Variants in SUPT3H observed in about 807,000 individuals in gnomAD.
SUPT3H encodes the protein SPT3 homolog, SAGA and STAGA complex component, also known as transcription initiation protein SPT3 homolog.
A neutral mutation model predicts 44.3 loss-of-function variants in SUPT3H; 44 were observed. The observed-to-expected ratio is 0.99, with a 90% CI of 0.78 to 1.28. SUPT3H has a LOEUF of 1.28. Ranked by LOEUF, SUPT3H falls within the 50% of genes most tolerant of loss-of-function variation. The pLI is 0.00. For missense variants in SUPT3H, 380 were observed against 387.1 expected (o/e 0.98, Z 0.15); for synonymous variants, 124 against 125.6 (o/e 0.99, Z 0.09).
At chr6:44,954,159 T>A (rs1774753503) in intron 8 of SUPT3H, among the ~76,000 whole-genome samples, 1 of 152,196 alleles carries the variant, frequency 6.6e-6, no homozygotes, top group Admixed American at 6.5e-5. Context: ...TACTCCTAAA[T>A]TCTCACATAC....
intron 9 of SUPT3H, among the ~76,000 whole-genome samples, chr6:44,943,188 T>TA (rs75919416): frequency 0.11 from 17,340 of 152,012 alleles, 1,399 homozygotes; most frequent in East Asian, 0.27. Context: ...ATGGAAACTA[T>TA]AAAAAATCAA....
At position 45,126,237 on chromosome 6, in the gene SUPT3H, C is replaced by T. The variant is rs75040735; in HGVS notation, c.102-20231G>A. On this transcript the variant is annotated intron_variant, in intron 2 of 10. Coordinates refer to ENST00000371459, the MANE Select transcript of SUPT3H (RefSeq NM_003599.4). Reference sequence around the variant, plus strand: ...AAACAGTTCCCATTTAATAATGTGGCTGTGTACAGGGCCTCTTTTAAATGG... The same window carrying T: ...AAACAGTTCCCATTTAATAATGTGGTTGTGTACAGGGCCTCTTTTAAATGG... Among the ~76,000 whole-genome samples, 6 of 152,320 alleles carry T rather than the reference C, an allele frequency of 3.9e-5. No individual in the cohort carries two copies. In the East Asian group the frequency reaches 1.2e-3, roughly 29 times the overall value.
At chr6:45,369,158 A>G (rs1795632049) in intron 1 of SUPT3H, among the ~76,000 whole-genome samples, 1 of 152,090 alleles carries the variant, frequency 6.6e-6, no homozygotes. Flanking sequence ...CTTATCTCAA[A>G]TCAGTCACAC....
chr6:45,145,298 T>C (rs1003674776), intron 2 of SUPT3H, among the ~76,000 whole-genome samples: 3 of 152,072 alleles, frequency 2.0e-5, no homozygotes, highest in Non-Finnish European at 4.4e-5. Context: ...CGAAACAACA[T>C]GGTACTGCTA....
At chr6:44,843,411 A>G (rs1771315803) in intron 10 of SUPT3H, among the ~76,000 whole-genome samples, 1 of 152,222 alleles carries the variant, frequency 6.6e-6, no homozygotes, top group Non-Finnish European at 1.5e-5. Flanking sequence ...AAGGAAAGAA[A>G]ACAAAAGGCA....
chr6:45,144,876 A>G (rs781169204), intron 2 of SUPT3H, among the ~76,000 whole-genome samples: 2 of 152,140 alleles, frequency 1.3e-5, no homozygotes, highest in African/African-American at 2.4e-5. Context: ...ATACACTAAC[A>G]ACGACGAAGC....
At chr6:44,883,587 A>G (rs1281943125) in intron 10 of SUPT3H, among the ~76,000 whole-genome samples, 2 of 152,212 alleles carry the variant, frequency 1.3e-5, no homozygotes, top group East Asian at 3.9e-4. Flanking sequence ...CTAAGCAAAA[A>G]GAACAAAGCT....
intron 2 of SUPT3H, among the ~76,000 whole-genome samples, chr6:45,317,360 T>C (rs1584885904): frequency 1.3e-5 from 2 of 151,528 alleles, no homozygotes; most frequent in Non-Finnish European, 2.9e-5. Flanking sequence ...AAAATTCATA[T>C]GGAACCACAA....
intron 2 of SUPT3H, among the ~76,000 whole-genome samples, chr6:45,243,101 G>T (rs1047919422): frequency 6.7e-6 from 1 of 150,252 alleles, no homozygotes. Flanking sequence ...GGCTGCGGTG[G>T]GAGGATTGCT....
intron 4 of SUPT3H, among the ~76,000 whole-genome samples, chr6:45,015,372 T>C (rs559578034): frequency 6.6e-6 from 1 of 152,174 alleles, no homozygotes; most frequent in East Asian, 1.9e-4. Context: ...ACCATGTAAA[T>C]GACAAAAAAT....
At chr6:45,050,321 T>C (rs527517291) in intron 3 of SUPT3H, among the ~76,000 whole-genome samples, 2 of 99,936 alleles carry the variant, frequency 2.0e-5, no homozygotes, top group South Asian at 7.2e-4. Flanking sequence ...AAAAAGAAGA[T>C]ACTTCCATTT....
chr6:44,904,509 G>T (rs1376639077), intron 10 of SUPT3H, among the ~76,000 whole-genome samples: 1 of 152,100 alleles, frequency 6.6e-6, no homozygotes, highest in Non-Finnish European at 1.5e-5. Flanking sequence ...ACTGCTCAAA[G>T]AAATAAAAGA....
At chr6:44,826,311 A>T (rs1407188544), downstream of SUPT3H, among the ~76,000 whole-genome samples, 1 of 152,170 alleles carries the variant, frequency 6.6e-6, no homozygotes, top group Non-Finnish European at 1.5e-5. Context: ...CACCCCTGCC[A>T]CTGTACAACA....
At chr6:45,175,874 G>C (rs1180326686) in intron 2 of SUPT3H, among the ~76,000 whole-genome samples, 1 of 152,154 alleles carries the variant, frequency 6.6e-6, no homozygotes, top group Non-Finnish European at 1.5e-5. Context: ...ATTCTCATGT[G>C]ACATCAAGGT....
intron 2 of SUPT3H, among the ~76,000 whole-genome samples, chr6:45,295,099 T>C (rs1483088196): frequency 2.6e-5 from 4 of 152,106 alleles, no homozygotes; most frequent in Non-Finnish European, 2.9e-5. Flanking sequence ...TTTCAAACTA[T>C]ACTATTAGGC....
At chr6:45,148,789 G>A (rs1460150450) in intron 2 of SUPT3H, among the ~76,000 whole-genome samples, 1 of 152,100 alleles carries the variant, frequency 6.6e-6, no homozygotes, top group Non-Finnish European at 1.5e-5. Flanking sequence ...TTTTTTAAAT[G>A]TGTTACTGAG....
chr6:45,021,336 C>A (rs936505991), intron 3 of SUPT3H, among the ~76,000 whole-genome samples: 1 of 151,712 alleles, frequency 6.6e-6, no homozygotes, highest in South Asian at 2.1e-4. Flanking sequence ...TTCATAAGTC[C>A]TAGAAACATA....
rs182317828 is a variant in SUPT3H, at chr6:45,007,913, T to C, written c.365-4121A>G. Among the ~76,000 whole-genome samples the C allele has an allele frequency of 2.1e-3, 326 of 152,302 alleles. 1 individual carries two copies. The highest frequency in any genetic ancestry group is 7.5e-3 in the African/African-American group (312 of 41,580). ...TCTTTAGATTTGCCTATTCCAGACATTTCATATAAATAGAATAAAATATCT... is the reference window on the plus strand; with the variant it reads ...TCTTTAGATTTGCCTATTCCAGACACTTCATATAAATAGAATAAAATATCT... On this transcript the variant is annotated intron_variant, in intron 5 of 10. Coordinates refer to ENST00000371459, the MANE Select transcript of SUPT3H (RefSeq NM_003599.4).
At chr6:45,260,297 A>G (rs1354726968) in intron 2 of SUPT3H, among the ~76,000 whole-genome samples, 4 of 152,126 alleles carry the variant, frequency 2.6e-5, no homozygotes, top group African/African-American at 9.7e-5. Flanking sequence ...GAAACTTCCA[A>G]ATTGACAGCC....
Sources: gnomAD v4.1 joint callset for allele counts (sites outside exome capture counted in the v4.1 genomes callset) on GRCh38, gnomAD v4.1.1 for gene constraint, MANE v1.5 for transcripts, NCBI Gene and HGNC (gene_info 2026-07-23, HGNC 2026-07-21) for gene names.